Variants in ZBTB44 observed in about 807,000 individuals in gnomAD.
The protein encoded by ZBTB44 is zinc finger and BTB domain-containing protein 44.
A neutral mutation model predicts 54.0 loss-of-function variants in ZBTB44; 15 were observed. The observed-to-expected ratio is 0.28, with a 90% CI of 0.19 to 0.43. The LOEUF (loss-of-function observed/expected upper bound fraction) is 0.43. Among genes scored for constraint, ZBTB44 ranks in the 20% least tolerant of loss-of-function variants. The probability of loss-of-function intolerance (pLI) is 1.00; values close to 1 mark genes in which losing one functional copy is unlikely to be tolerated. For missense variants in ZBTB44, 487 were observed against 707.1 expected (o/e 0.69, Z 3.53); for synonymous variants, 230 against 250.1 (o/e 0.92, Z 0.76).
chr11:130,257,748 G>A (rs1048265844), intron 2 of ZBTB44, among the ~76,000 whole-genome samples: 4 of 152,166 alleles, frequency 2.6e-5, no homozygotes, highest in African/African-American at 9.7e-5. Flanking sequence ...AGTTAATATG[G>A]TCTTCCCGGT....
Position 130,306,458 on chromosome 11 carries a change from C to T in ZBTB44, c.-57+7917G>A, listed in dbSNP as rs192122383. Among the ~76,000 whole-genome samples, 11 of 151,494 alleles carry T rather than the reference C, an allele frequency of 7.3e-5. No homozygotes were observed. The South Asian group carries it at 1.0e-3, about 14-fold the overall frequency. ...CAGAGGTTGCAGTGAGCCGAGATTG[C>T]GCCACTGCACTCCAACCTGGGCAAC... On this transcript the variant is annotated intron_variant, in intron 1 of 7. Coordinates refer to ENST00000357899, the MANE Select transcript of ZBTB44 (RefSeq NM_001301098.2).
chr11:130,306,717 C>T (rs1162350208), intron 1 of ZBTB44, among the ~76,000 whole-genome samples: 2 of 152,034 alleles, frequency 1.3e-5, no homozygotes, highest in Admixed American at 1.3e-4. Flanking sequence ...ACCATGAAAA[C>T]TGAATGAAAT....
intron 1 of ZBTB44, among the ~76,000 whole-genome samples, chr11:130,297,464 A>T (rs1941718447): frequency 6.6e-6 from 1 of 152,226 alleles, no homozygotes; most frequent in Non-Finnish European, 1.5e-5. Flanking sequence ...ATGTCTTGGT[A>T]TGGGGTTGAA....
At chr11:130,286,914 C>T (rs915342813) in intron 1 of ZBTB44, among the ~76,000 whole-genome samples, 1 of 152,186 alleles carries the variant, frequency 6.6e-6, no homozygotes, top group Non-Finnish European at 1.5e-5. Context: ...TATGGTGCAG[C>T]AGTGATTAAC....
chr11:130,232,782 C>G (rs1407413476), intron 7 of ZBTB44: 4 of 152,264 alleles, frequency 2.6e-5, no homozygotes, highest in African/African-American at 9.7e-5. Flanking sequence ...AGGAGGATCA[C>G]TTGGTCTAGG....
In ZBTB44 at chr11:130,262,732, G is replaced by C. The variant is rs574609548; in HGVS notation, c.-56-803C>G. 1.3e-3 allele frequency among the ~76,000 whole-genome samples: 199 copies of C among 151,666 alleles called. 1 individual carries two copies. Among genetic ancestry groups the C allele is most frequent in the African/African-American group, 4.6e-3 (190 of 41,212 alleles). ...AAGATGGGAAAAAGAAAAAAAGGAA[G>C]TGGAAAGAAAAAAAAAAAGATTTCA... On this transcript the variant is annotated intron_variant, in intron 1 of 7. Coordinates refer to ENST00000357899, the MANE Select transcript of ZBTB44 (RefSeq NM_001301098.2).
chr11:130,271,411 T>C (rs141409001), intron 1 of ZBTB44, among the ~76,000 whole-genome samples: 2 of 152,278 alleles, frequency 1.3e-5, no homozygotes, highest in African/African-American at 4.8e-5. Context: ...TTCTGGAATA[T>C]CTGACCAGAT....
At chr11:130,302,999 T>C (rs896486397) in intron 1 of ZBTB44, among the ~76,000 whole-genome samples, 1 of 151,926 alleles carries the variant, frequency 6.6e-6, no homozygotes. Context: ...TACACAAAAG[T>C]GAAATTAAAG....
intron 1 of ZBTB44, among the ~76,000 whole-genome samples, chr11:130,266,019 G>C (rs767603527): frequency 6.6e-5 from 10 of 152,312 alleles, no homozygotes; most frequent in Admixed American, 1.3e-4. Flanking sequence ...CCTTACACTG[G>C]AAACAGACAC....
chr11:130,246,992 T>C (rs777367939), intron 2 of ZBTB44, among the ~76,000 whole-genome samples: 5 of 152,168 alleles, frequency 3.3e-5, no homozygotes, highest in Non-Finnish European at 5.9e-5. Context: ...CATTCCTAGA[T>C]AGTATTTATT....
chr11:130,306,431 G>A (rs1190969034), intron 1 of ZBTB44, among the ~76,000 whole-genome samples: 2 of 151,966 alleles, frequency 1.3e-5, no homozygotes, highest in African/African-American at 4.8e-5. Flanking sequence ...GAACCCAGGA[G>A]GCAGAGGTTG....
At chr11:130,234,373 C>T in intron 5 of ZBTB44, 100 bp from the exon 6 acceptor site, 1 of 1,176,654 alleles carries the variant, frequency 8.5e-7, no homozygotes, top group South Asian at 1.9e-5. Context: ...AATTGGGACT[C>T]TTCATTTCAC....
rs1314453773 is a variant in ZBTB44 at position 130,227,272 on chromosome 11, GTTAAC to G, written c.*4487_*4491del. 2 of 152,156 alleles carry G rather than the reference GTTAAC, an allele frequency of 1.3e-5. No homozygotes were observed. The highest frequency in any genetic ancestry group is 1.5e-5 in the Non-Finnish European group (1 of 68,028). 9.4% of individuals were successfully genotyped at this position (152,156 alleles called of 1,614,324 possible). A position where few individuals can be genotyped will look rare whatever the true frequency, so the allele number is the denominator to read the frequency against. On this transcript the variant is annotated 3_prime_UTR_variant, in exon 8 of 8. Transcript: ENST00000357899. ...TATTGTCAAAAGTCAAACATGCCAAGTTAACTTAGCTATGGCCAGTGTCACCAAGT... is the reference window on the plus strand; with the variant it reads ...TATTGTCAAAAGTCAAACATGCCAAGTTAGCTATGGCCAGTGTCACCAAGT...
intron 1 of ZBTB44, among the ~76,000 whole-genome samples, chr11:130,275,878 G>A (rs538846625): frequency 2.6e-4 from 40 of 151,976 alleles, no homozygotes; most frequent in African/African-American, 9.1e-4. Context: ...GGCCCACCTT[G>A]GCCTCCCAAA....
At chr11:130,302,642 G>A (rs1371727405) in intron 1 of ZBTB44, among the ~76,000 whole-genome samples, 3 of 152,140 alleles carry the variant, frequency 2.0e-5, no homozygotes. Flanking sequence ...GTAAGTAGAA[G>A]AAACACATAC....
At chr11:130,274,686 A>ACCTGGAAAAAATCCCAGTTG (rs1939928154) in intron 1 of ZBTB44, among the ~76,000 whole-genome samples, 1 of 152,230 alleles carries the variant, frequency 6.6e-6, no homozygotes, top group Non-Finnish European at 1.5e-5. Flanking sequence ...AGCCTTGGCA[A>ACCTGGAAAAAATCCCAGTTG]CCTGGAAAAA....
intron 1 of ZBTB44, 89 bp downstream of exon 1, chr11:130,314,286 G>A: frequency 6.6e-6 from 1 of 152,534 alleles, no homozygotes; most frequent in Non-Finnish European, 1.5e-5. Flanking sequence ...TCCCTTCGGC[G>A]CCAGGTGGGG....
In ZBTB44 at chr11:130,261,341, C is replaced by T. The variant is rs774216098; in HGVS notation, c.533G>A (p.Arg178Gln). The T allele has an allele frequency of 2.0e-5, 32 of 1,613,792 alleles. No individual in the cohort carries two copies. The East Asian group carries it at 2.5e-4, about 12-fold the overall frequency. The change falls in exon 2 of 8, where the codon CGA (arginine) becomes CAA (glutamine). Residue 178 changes from arginine to glutamine, a missense_variant. By Grantham distance (43) the Arg-to-Gln change is conservative. Coordinates refer to ENST00000357899, the MANE Select transcript of ZBTB44 (RefSeq NM_001301098.2). This position sits in a 1 kb window ranked among gnomAD's most constrained non-coding sequence, Gnocchi z 4.8. ...SVVERTIPVC[R>Q]ESRRKRKSYI... ...GCTTTTGCGCTTTCTCCGGGATTCT[C>T]GGCAGACAGGAATGGTTCTTTCTAC...
chr11:130,249,173 G>A (rs1374294703), intron 2 of ZBTB44, among the ~76,000 whole-genome samples: 2 of 152,116 alleles, frequency 1.3e-5, no homozygotes, highest in African/African-American at 4.8e-5. Flanking sequence ...GGTAAAGGAT[G>A]ACTATTTCAC....
Sources: gnomAD v4.1 joint callset for allele counts (sites outside exome capture counted in the v4.1 genomes callset) on GRCh38, gnomAD v4.1.1 for gene constraint, Gnocchi (gnomAD v3.1) non-coding constraint, MANE v1.5 for transcripts, NCBI Gene and HGNC (gene_info 2026-07-23, HGNC 2026-07-21) for gene names.